DCAF8L2: variants seen among roughly 807,000 people sequenced by gnomAD.
DCAF8L2 encodes DDB1 and CUL4 associated factor 8 like 2.
For synonymous variants in DCAF8L2, 200 were observed against 190.9 expected, an observed-to-expected ratio of 1.05 and a Z score of -0.39; for missense variants, 430 against 490.7, an observed-to-expected ratio of 0.88 and a Z score of 1.17.
chrX:27,576,119 T>C, the DCAF8L2 span, among the ~76,000 whole-genome samples: 1 of 112,552 alleles, frequency 8.9e-6, no homozygotes, highest in African/African-American at 3.2e-5. Context: ...AGTAATTTGA[T>C]TACCCATTAA....
chrX:27,725,492 T>G (rs1198529298), intron 4 of DCAF8L2, among the ~76,000 whole-genome samples: 1 of 110,696 alleles, frequency 9.0e-6, no homozygotes, highest in Non-Finnish European at 1.9e-5. Context: ...GATAATAAAT[T>G]TGACCTGCTG....
intron 2 of DCAF8L2, among the ~76,000 whole-genome samples, chrX:27,637,081 G>A (rs1001046011): frequency 1.8e-5 from 2 of 111,975 alleles, no homozygotes; most frequent in African/African-American, 6.5e-5. Flanking sequence ...CACTTTCTGA[G>A]CAGCAAAAAA....
chrX:27,511,841 G>A, the DCAF8L2 span, among the ~76,000 whole-genome samples: 1 of 112,207 alleles, frequency 8.9e-6, no homozygotes, highest in Non-Finnish European at 1.9e-5. Flanking sequence ...TGGTTAAAAA[G>A]TGGTAGCTTT....
chrX:27,573,744 G>A, the DCAF8L2 span, among the ~76,000 whole-genome samples: 47,969 of 110,592 alleles, frequency 0.43, 8,703 homozygotes, highest in South Asian at 0.69. Flanking sequence ...ATCAGCAAGC[G>A]CTAAGATATT....
intron 3 of DCAF8L2, among the ~76,000 whole-genome samples, chrX:27,689,986 A>G (rs187027771): frequency 8.9e-6 from 1 of 112,015 alleles, no homozygotes; most frequent in East Asian, 2.8e-4. Flanking sequence ...TGTTAAAAGT[A>G]AAGAAAACAT....
chrX:27,704,454 A>C (rs1178631734), intron 3 of DCAF8L2, among the ~76,000 whole-genome samples: 2 of 109,638 alleles, frequency 1.8e-5, no homozygotes, highest in East Asian at 2.9e-4. Flanking sequence ...CTAAATGTGG[A>C]ATTTTGTTGA....
chrX:27,560,545 T>A, the DCAF8L2 span, among the ~76,000 whole-genome samples: 2 of 111,938 alleles, frequency 1.8e-5, no homozygotes, highest in Non-Finnish European at 3.8e-5. Flanking sequence ...ATAGCTACTA[T>A]GCAGCTTACT....
the DCAF8L2 span, among the ~76,000 whole-genome samples, chrX:27,565,801 G>A: frequency 0.033 from 3,600 of 110,387 alleles, 134 homozygotes; most frequent in African/African-American, 0.11. Context: ...GGGAGAGGGG[G>A]CCTGAGAGAG....
At chrX:27,615,650 T>C (rs1927438700) in intron 1 of DCAF8L2, among the ~76,000 whole-genome samples, 1 of 111,226 alleles carries the variant, frequency 9.0e-6, no homozygotes, top group Admixed American at 9.7e-5. Flanking sequence ...CATTATATGC[T>C]AACTCTTCAG....
Position 27,725,000 on chromosome X carries a change from C to A in DCAF8L2, c.-59+8829C>A, listed in dbSNP as rs1208613928. Among the ~76,000 whole-genome samples, 4 of 111,163 alleles carry A rather than the reference C, an allele frequency of 3.6e-5. No individual in the cohort carries two copies. The East Asian group carries it at 8.4e-4, about 23-fold the overall frequency. ...CATATTTGACTCTAAATAATTATTA[C>A]AGAAAACAAATAAAATATAATATTG... On this transcript the variant is annotated intron_variant, in intron 4 of 4. Transcript: ENST00000451261.
rs200584379 is a variant in DCAF8L2 at position 27,644,179 on chromosome X, AT to A, written c.-220+12181del. ...TGAGAACTGACAGTTACTTGAAAAT[AT>A]TGTATGTTCATGTATATGTGTGTAT... On this transcript the variant is annotated intron_variant, in intron 2 of 4. Coordinates refer to ENST00000451261, the MANE Select transcript of DCAF8L2 (RefSeq NM_001353450.2). Among the ~76,000 whole-genome samples, 153 of 112,203 alleles carry A rather than the reference AT, an allele frequency of 1.4e-3. No individual in the cohort carries two copies. In the East Asian group the frequency reaches 0.024, roughly 18 times the overall value.
intron 3 of DCAF8L2, among the ~76,000 whole-genome samples, chrX:27,681,960 A>AT (rs1052472394): frequency 1.8e-5 from 2 of 110,740 alleles, no homozygotes; most frequent in African/African-American, 6.6e-5. Context: ...CTTGGTTTTC[A>AT]TTTTTTTTGT....
the DCAF8L2 span, among the ~76,000 whole-genome samples, chrX:27,575,134 C>T: frequency 1.8e-5 from 2 of 111,689 alleles, no homozygotes; most frequent in Non-Finnish European, 3.8e-5. Context: ...GGCCCCGGCT[C>T]TCCTCTGACT....
chrX:27,678,149 G>A (rs747420110), intron 3 of DCAF8L2, among the ~76,000 whole-genome samples: 1 of 111,775 alleles, frequency 8.9e-6, no homozygotes, highest in African/African-American at 3.2e-5. Context: ...TTCTCCAAGA[G>A]AACACTAATG....
chrX:27,619,272 G>A (rs774847908), intron 1 of DCAF8L2, among the ~76,000 whole-genome samples: 2 of 111,031 alleles, frequency 1.8e-5, no homozygotes, highest in East Asian at 5.6e-4. Flanking sequence ...CTCCAAACAG[G>A]GATAAGCCTT....
intron 1 of DCAF8L2, among the ~76,000 whole-genome samples, chrX:27,604,407 A>G (rs1926783864): frequency 9.0e-6 from 1 of 111,063 alleles, no homozygotes; most frequent in Non-Finnish European, 1.9e-5. Flanking sequence ...CAGATCTCAT[A>G]TCATATCACT....
At chrX:27,553,054 ATTTC>A in the DCAF8L2 span, among the ~76,000 whole-genome samples, 1 of 110,927 alleles carries the variant, frequency 9.0e-6, no homozygotes, top group Non-Finnish European at 1.9e-5. Flanking sequence ...TGATTTATTG[ATTTC>A]TTTTTTAGTT....
chrX:27,536,807 C>T, the DCAF8L2 span, among the ~76,000 whole-genome samples: 1 of 111,706 alleles, frequency 9.0e-6, no homozygotes, highest in East Asian at 2.8e-4. Flanking sequence ...TCCTGGTGCA[C>T]AGGCGGGTCA....
intron 1 of DCAF8L2, among the ~76,000 whole-genome samples, chrX:27,592,420 T>TG (rs1555916384): frequency 4.3e-5 from 4 of 94,051 alleles, no homozygotes; most frequent in East Asian, 6.0e-4. Context: ...TGTTTTTGTT[T>TG]TTTTTTTTTT....
Sources: gnomAD v4.1 joint callset for allele counts (sites outside exome capture counted in the v4.1 genomes callset) on GRCh38, gnomAD v4.1.1 for gene constraint, MANE v1.5 for transcripts, NCBI Gene and HGNC (gene_info 2026-07-23, HGNC 2026-07-21) for gene names.